Variants in ZMIZ2 observed in about 807,000 individuals in gnomAD.
ZMIZ2 encodes the protein zinc finger MIZ domain-containing protein 2.
ZMIZ2 carries 26 observed loss-of-function variants against 93.9 expected under a neutral mutation model. The ratio of observed to expected loss-of-function variants is 0.28; its 90% confidence interval spans 0.20 to 0.38. ZMIZ2 has a LOEUF of 0.38. Ranked by LOEUF, ZMIZ2 falls within the 10% of genes least tolerant of loss-of-function variation. The pLI is 1.00. For synonymous variants in ZMIZ2, 485 were observed against 516.4 expected (o/e 0.94, Z 0.82); for missense variants, 1,023 against 1,235.0 (o/e 0.83, Z 2.57).
In ZMIZ2 at chr7:44,762,953, C is replaced by T. The variant is rs1331867118; in HGVS notation, c.1669C>T (p.Arg557Cys). ...GGTGCTGCAGGGCCTCCTCAAAAAG[C>T]GCCTCCTGCCTGCTGAGCACTGCAT... ...RSVLQGLLKKRLLPAEHCITK... is the reference protein window; with the variant it reads ...RSVLQGLLKKCLLPAEHCITK... The change falls in exon 12 of 19, where the codon CGC (arginine) becomes TGC (cysteine). Residue 557 changes from arginine to cysteine, a missense_variant. Arg to Cys is a radical substitution (Grantham distance 180, BLOSUM62 -3). Transcript: ENST00000309315. 9 of 1,613,436 alleles carry T rather than the reference C, an allele frequency of 5.6e-6. No individual in the cohort carries two copies. The highest frequency in any genetic ancestry group is 4.2e-6 in the Non-Finnish European group (5 of 1,179,684).
At chr7:44,762,740 CA>C in intron 11 of ZMIZ2, 140 bp from the exon 12 acceptor site, 2 of 666,744 alleles carry the variant, frequency 3.0e-6, no homozygotes, top group South Asian at 2.3e-5. Context: ...GCTGAATCCC[CA>C]CCCCCAGCTC....
At position 44,763,651 on chromosome 7, in the gene ZMIZ2, G is replaced by A. The variant is rs186773521; in HGVS notation, c.1860+238G>A. ...TTTTTTACTGCCTGCTTCATTCATG[G>A]GTTCAAGTTTTGAAAGGCATAAGAT... On this transcript the variant is annotated intron_variant, in intron 13 of 18. Transcript: ENST00000309315. This position sits in a 1 kb window ranked among gnomAD's most constrained non-coding sequence, Gnocchi z 5.6. 16 of 560,656 alleles carry A rather than the reference G, an allele frequency of 2.9e-5. No individual in the cohort carries two copies. Among genetic ancestry groups the A allele is most frequent in the Non-Finnish European group, 4.6e-5 (15 of 325,376 alleles). The allele number at this position is 560,656 out of a possible 1,614,324, so 34.7% of individuals were successfully genotyped here. A position where few individuals can be genotyped will look rare whatever the true frequency, so the allele number is the denominator to read the frequency against.
At chr7:44,759,107 A>AG (rs1790904227) in intron 6 of ZMIZ2, among the ~76,000 whole-genome samples, 174 bp from the exon 7 acceptor site, 1 of 150,062 alleles carries the variant, frequency 6.7e-6, no homozygotes, top group Admixed American at 6.6e-5. Context: ...AAAAAAAAAA[A>AG]CAGGCTTCTG....
Position 44,757,102 on chromosome 7 carries a change from C to T in ZMIZ2, c.321C>T (p.Gly107=). 7 of 1,602,574 alleles carry T rather than the reference C, an allele frequency of 4.4e-6. No individual in the cohort carries two copies. The highest frequency in any genetic ancestry group is 5.9e-6 in the Non-Finnish European group (7 of 1,177,112). ...GGANKGYVQQ[G]VYSRGGYPGA... ...CCAACAAGGGCTACGTGCAGCAAGG[C>T]GTGTACAGCCGCGGGGGCTACCCTG... The change falls in exon 4 of 19, where the codon GGC becomes GGT. Residue 107 remains glycine (G), a synonymous_variant. Transcript: ENST00000309315.
Position 44,765,629 on chromosome 7 carries a change from C to T in ZMIZ2, c.2242+50C>T, listed in dbSNP as rs761970174. 9 of 1,564,320 alleles carry T rather than the reference C, an allele frequency of 5.8e-6. No homozygotes were observed. Among genetic ancestry groups the T allele is most frequent in the Non-Finnish European group, 7.8e-6 (9 of 1,157,968 alleles). ...ACCTCAGATGACCCTGGGCATATGG[C>T]TCCTCTCCCCAGATCAGTCTCCTCA... is the stretch of plus-strand genomic sequence containing the variant. On this transcript the variant is annotated intron_variant, in intron 16 of 18. Coordinates refer to ENST00000309315, the MANE Select transcript of ZMIZ2 (RefSeq NM_031449.4). The surrounding 1 kb of genome is among the most constrained non-coding windows in gnomAD (Gnocchi z 4.1).
At chr7:44,752,413 G>T (rs1790232445) in intron 1 of ZMIZ2, among the ~76,000 whole-genome samples, 1 of 152,030 alleles carries the variant, frequency 6.6e-6, no homozygotes, top group Non-Finnish European at 1.5e-5. Context: ...AAAGTGCTGG[G>T]ATTACAGGCG....
chr7:44,764,516 G>A (rs1791502201), intron 14 of ZMIZ2, 30 bp downstream of exon 14: 5 of 1,612,110 alleles, frequency 3.1e-6, no homozygotes, highest in South Asian at 2.2e-5. Flanking sequence ...TGTGATGGAG[G>A]AGGGGCTGGT....
rs777490618 is a variant in ZMIZ2 at position 44,767,640 on chromosome 7, A to G, written c.*17A>G. ...AACAACTGATCCTGTGTTTACCCCA[A>G]GCCCGGCGGGGACACGCTCACAGAT... is the stretch of plus-strand genomic sequence containing the variant. On this transcript the variant is annotated 3_prime_UTR_variant, in exon 19 of 19. Transcript: ENST00000309315. The G allele has an allele frequency of 7.7e-5, 124 of 1,606,610 alleles. No homozygotes were observed. The highest frequency in any genetic ancestry group is 1.0e-4 in the Non-Finnish European group (120 of 1,173,340).
chr7:44,763,577 C>A lies in ZMIZ2; in HGVS notation c.1860+164C>A. The A allele has an allele frequency of 1.1e-6, 1 of 873,836 alleles. No individual in the cohort carries two copies. 54.1% of individuals were successfully genotyped at this position (873,836 alleles called of 1,614,324 possible). ...AAGGAGGCAGGTGGGCCTGGCTCCC[C>A]CAAGACTAGGCTATTTTTTCTTCCA... On this transcript the variant is annotated intron_variant, in intron 13 of 18. Coordinates refer to ENST00000309315, the MANE Select transcript of ZMIZ2 (RefSeq NM_031449.4). This position sits in a 1 kb window ranked among gnomAD's most constrained non-coding sequence, Gnocchi z 5.6.
rs544802371 is a variant in ZMIZ2 at position 44,765,758 on chromosome 7, C to T, written c.2242+179C>T. 1.9e-6 allele frequency: 2 copies of T among 1,074,382 alleles called. No individual in the cohort carries two copies. The highest frequency in any genetic ancestry group is 2.6e-5 in the East Asian group (1 of 38,162). 66.6% of individuals were successfully genotyped at this position (1,074,382 alleles called of 1,614,324 possible). On this transcript the variant is annotated intron_variant, in intron 16 of 18. Transcript: ENST00000309315. This position sits in a 1 kb window ranked among gnomAD's most constrained non-coding sequence, Gnocchi z 4.1. ...AGCCCCTCCCATCTCAGGGACGTGG[C>T]GGTGAAGGCACAGTCTCAGCTATGG...
At chr7:44,762,576 T>A (rs905530675) in intron 11 of ZMIZ2, among the ~76,000 whole-genome samples, 2 of 152,184 alleles carry the variant, frequency 1.3e-5, no homozygotes, top group Non-Finnish European at 2.9e-5. Context: ...TCAAGGGGAC[T>A]TGAGGTGATT....
At position 44,759,369 on chromosome 7, in the gene ZMIZ2, C is replaced by T. The variant is rs573715555; in HGVS notation, c.902C>T (p.Pro301Leu). 2.5e-6 allele frequency: 4 copies of T among 1,605,538 alleles called. No homozygotes were observed. Among genetic ancestry groups the T allele is most frequent in the South Asian group, 1.1e-5 (1 of 89,918 alleles). The change falls in exon 7 of 19, where the codon CCC (proline) becomes CTC (leucine). Residue 301 changes from proline to leucine, a missense_variant. By Grantham distance (98) the Pro-to-Leu change is moderately conservative (BLOSUM62 -3). This residue lies in a region of ZMIZ2 where 656 missense variants were observed against 777.1 expected (regional missense o/e 0.84). Transcript: ENST00000309315. ...CCCAGCCCTGGGCAGCCCCCTGCCC[C>T]CTCCCCTTCCTACCCTGGGCACAGG... is the stretch of plus-strand genomic sequence containing the variant. ...FAPSPGQPPAPSPSYPGHRLP... is the reference protein window; with the variant it reads ...FAPSPGQPPALSPSYPGHRLP...
chr7:44,767,712 T>C lies in ZMIZ2; in HGVS notation c.*89T>C. On this transcript the variant is annotated 3_prime_UTR_variant, in exon 19 of 19. Transcript: ENST00000309315. ...ATGCCCAGCCCCATGGGACACCCGGTGGTCTTTCCCAAACCTCCCCCAAAA... is the reference window on the plus strand; with the variant it reads ...ATGCCCAGCCCCATGGGACACCCGGCGGTCTTTCCCAAACCTCCCCCAAAA... 1.6e-6 allele frequency: 2 copies of C among 1,231,922 alleles called. No individual in the cohort carries two copies. The highest frequency in any genetic ancestry group is 4.8e-5 in the East Asian group (2 of 42,054). 76.3% of individuals were successfully genotyped at this position (1,231,922 alleles called of 1,614,324 possible). A position where few individuals can be genotyped will look rare whatever the true frequency, so the allele number is the denominator to read the frequency against.
Position 44,768,433 on chromosome 7 carries a change from G to A in ZMIZ2, c.*810G>A. 1 of 152,596 alleles carries A rather than the reference G, an allele frequency of 6.6e-6. No homozygotes were observed. The highest frequency in any genetic ancestry group is 1.5e-5 in the Non-Finnish European group (1 of 68,152). The allele number at this position is 152,596 out of a possible 1,614,324, so 9.5% of individuals were successfully genotyped here. ...CGGCCTGGCCGAGGTGGGTGGGTGGGCTCTCAGATTCAGCTCTGTGTAAAG... is the reference window on the plus strand; with the variant it reads ...CGGCCTGGCCGAGGTGGGTGGGTGGACTCTCAGATTCAGCTCTGTGTAAAG... On this transcript the variant is annotated 3_prime_UTR_variant, in exon 19 of 19. Transcript: ENST00000309315.
intron 1 of ZMIZ2, among the ~76,000 whole-genome samples, chr7:44,750,418 C>A (rs1790035824): frequency 6.6e-6 from 1 of 152,144 alleles, no homozygotes; most frequent in African/African-American, 2.4e-5. Flanking sequence ...TACCAAGGAC[C>A]CCGCTCCTGC....
chr7:44,765,885 C>A lies in ZMIZ2; in HGVS notation c.2243-279C>A, dbSNP rs1055034934. 4.4e-6 allele frequency: 6 copies of A among 1,367,018 alleles called. No homozygotes were observed. The highest frequency in any genetic ancestry group is 2.1e-4 in the Middle Eastern group (1 of 4,656). 84.7% of individuals were successfully genotyped at this position (1,367,018 alleles called of 1,614,324 possible). ...CAGGACTGGCCCCATCTGGGGCCCC[C>A]CTCTGGGACCCACCTCACACGCGTG... On this transcript the variant is annotated intron_variant, in intron 16 of 18. Coordinates refer to ENST00000309315, the MANE Select transcript of ZMIZ2 (RefSeq NM_031449.4). This position sits in a 1 kb window ranked among gnomAD's most constrained non-coding sequence, Gnocchi z 4.1.
At position 44,765,632 on chromosome 7, in the gene ZMIZ2, C is replaced by T. The variant is rs911501550; in HGVS notation, c.2242+53C>T. 51 of 1,565,682 alleles carry T rather than the reference C, an allele frequency of 3.3e-5. No individual in the cohort carries two copies. Among genetic ancestry groups the T allele is most frequent in the African/African-American group, 9.4e-5 (7 of 74,270 alleles). On this transcript the variant is annotated intron_variant, in intron 16 of 18. Transcript: ENST00000309315. The surrounding 1 kb of genome is among the most constrained non-coding windows in gnomAD (Gnocchi z 4.1). ...TCAGATGACCCTGGGCATATGGCTC[C>T]TCTCCCCAGATCAGTCTCCTCACCT... is the stretch of plus-strand genomic sequence containing the variant.
intron 18 of ZMIZ2, 45 bp from the exon 19 acceptor site, chr7:44,767,471 C>A: frequency 6.7e-7 from 1 of 1,502,416 alleles, no homozygotes; most frequent in Non-Finnish European, 9.3e-7. Context: ...TCAGGTGTGG[C>A]CAGTCAGTGA....
Position 44,757,904 on chromosome 7 carries a change from G to A in ZMIZ2, c.609G>A (p.Gly203=), listed in dbSNP as rs1228266895. 2.7e-5 allele frequency: 44 copies of A among 1,608,170 alleles called. No individual in the cohort carries two copies. Among genetic ancestry groups the A allele is most frequent in the Non-Finnish European group, 3.7e-5 (44 of 1,176,950 alleles). Residue 203 remains glycine (G), a synonymous_variant, in exon 6 of 19, where the codon GGG becomes GGA. Coordinates refer to ENST00000309315, the MANE Select transcript of ZMIZ2 (RefSeq NM_031449.4). ...SQFLQHGGPR[G]PSVPAGMNPT... Reference sequence around the variant, plus strand: ...TTCTGCAGCATGGAGGTCCCCGGGGGCCTAGTGTCCCCGCTGGCATGAACC... The same window carrying A: ...TTCTGCAGCATGGAGGTCCCCGGGGACCTAGTGTCCCCGCTGGCATGAACC...
Sources: gnomAD v4.1 joint callset for allele counts (sites outside exome capture counted in the v4.1 genomes callset) on GRCh38, gnomAD v4.1.1 for gene constraint, gnomAD v4.1.1 regional missense constraint, Gnocchi (gnomAD v3.1) non-coding constraint, MANE v1.5 for transcripts, NCBI Gene and HGNC (gene_info 2026-07-23, HGNC 2026-07-21) for gene names.